The following CACNA1D variants were observed in gnomAD, a reference collection of about 807,000 sequenced individuals.
CACNA1D encodes the protein voltage-dependent L-type calcium channel subunit alpha-1D.
CACNA1D carries 55 observed loss-of-function variants against 257.1 expected under a neutral mutation model. That is an observed-to-expected ratio of 0.21 (90% confidence interval 0.17 to 0.27). CACNA1D has a LOEUF of 0.27. Ranked by LOEUF, CACNA1D falls within the 10% of genes least tolerant of loss-of-function variation. CACNA1D has a pLI of 1.00. For synonymous variants in CACNA1D, 980 were observed against 1,014.9 expected (o/e 0.97, Z 0.65); for missense variants, 1,876 against 2,784.0 (o/e 0.67, Z 7.34).
rs925657254 is a variant in CACNA1D, at chr3:53,587,469, A to G, written c.484-63310A>G. ...GGGGGCCTGTTTTGGGCAGGAGGGC[A>G]GGAGCATGGACTCATTTTGGGACAT... On this transcript the variant is annotated intron_variant, in intron 3 of 47. Coordinates refer to ENST00000350061, the MANE Select transcript of CACNA1D (RefSeq NM_001128840.3). Among the ~76,000 whole-genome samples the G allele has an allele frequency of 1.6e-4, 25 of 152,152 alleles. 1 individual carries two copies. Among genetic ancestry groups the G allele is most frequent in the Non-Finnish European group, 2.9e-5 (2 of 68,016 alleles).
At chr3:53,660,643 G>C (rs756872316) in intron 5 of CACNA1D, among the ~76,000 whole-genome samples, 1 of 152,020 alleles carries the variant, frequency 6.6e-6, no homozygotes, top group Non-Finnish European at 1.5e-5. Context: ...GAAAGTGGTG[G>C]GTTTGTGGAT....
At chr3:53,677,303 T>C (rs1047007736) in intron 8 of CACNA1D, among the ~76,000 whole-genome samples, 9 of 152,170 alleles carry the variant, frequency 5.9e-5, no homozygotes, top group African/African-American at 2.2e-4. Flanking sequence ...AGACTTGGGT[T>C]CCGTCCTGCT....
At chr3:53,660,692 T>C (rs1016035550) in intron 5 of CACNA1D, among the ~76,000 whole-genome samples, 5 of 151,656 alleles carry the variant, frequency 3.3e-5, no homozygotes, top group African/African-American at 1.2e-4. Context: ...CTTTTTTTTT[T>C]TCCCCAAATG....
At chr3:53,660,026 G>A (rs919261667) in intron 4 of CACNA1D, 107 bp from the exon 5 acceptor site, 1 of 963,888 alleles carries the variant, frequency 1.0e-6, no homozygotes, top group Non-Finnish European at 1.6e-6. Flanking sequence ...TATTTAAGCA[G>A]CAGCCACACA....
In CACNA1D at chr3:53,673,304, G is replaced by C. The variant is rs542225486; in HGVS notation, c.1220+178G>C. On this transcript the variant is annotated intron_variant, in intron 8 of 47. Transcript: ENST00000350061. This position sits in a 1 kb window ranked among gnomAD's most constrained non-coding sequence, Gnocchi z 4.1. The stretch of plus-strand genomic sequence containing the variant: ...AAGCTGTTTCCTGGAACCTCACCAG[G>C]CTTCATGAAGGAGAACTATAGAACG... 3.9e-5 allele frequency among the ~76,000 whole-genome samples: 6 copies of C among 152,284 alleles called. No homozygotes were observed. Among genetic ancestry groups the C allele is most frequent in the African/African-American group, 1.2e-4 (5 of 41,560 alleles).
chr3:53,688,930 C>T (rs1486347496), intron 8 of CACNA1D, among the ~76,000 whole-genome samples: 1 of 152,126 alleles, frequency 6.6e-6, no homozygotes, highest in Non-Finnish European at 1.5e-5. Flanking sequence ...TCCCCAGAGG[C>T]CCACCTGTCC....
chr3:53,761,810 A>G (rs895229415), intron 29 of CACNA1D, among the ~76,000 whole-genome samples, 188 bp from the exon 30 acceptor site: 1 of 152,192 alleles, frequency 6.6e-6, no homozygotes, highest in Non-Finnish European at 1.5e-5. Context: ...TCTCTCACAC[A>G]TAAAGGTGCA....
intron 3 of CACNA1D, among the ~76,000 whole-genome samples, chr3:53,581,471 T>C (rs555494806): frequency 1.4e-4 from 22 of 152,316 alleles, no homozygotes; most frequent in Non-Finnish European, 2.6e-4. Context: ...ATTACTTCAG[T>C]CACATAACCA....
At chr3:53,514,066 A>G (rs2091229647) in intron 3 of CACNA1D, among the ~76,000 whole-genome samples, 1 of 152,120 alleles carries the variant, frequency 6.6e-6, no homozygotes, top group Non-Finnish European at 1.5e-5. Flanking sequence ...CATGACTGTA[A>G]TCTCCTCTAA....
chr3:53,517,414 G>A (rs1435880622), intron 3 of CACNA1D, among the ~76,000 whole-genome samples: 1 of 151,980 alleles, frequency 6.6e-6, no homozygotes, highest in African/African-American at 2.4e-5. Context: ...GCCAGAGCTC[G>A]ACAGGACCCT....
intron 30 of CACNA1D, among the ~76,000 whole-genome samples, chr3:53,764,619 C>G (rs1013863189): frequency 2.0e-5 from 3 of 152,204 alleles, no homozygotes; most frequent in Non-Finnish European, 4.4e-5. Context: ...AGGGACAGCA[C>G]GCGCCCGGCT....
At chr3:53,729,689 C>T (rs2094970107) in intron 15 of CACNA1D, among the ~76,000 whole-genome samples, 1 of 152,196 alleles carries the variant, frequency 6.6e-6, no homozygotes, top group African/African-American at 2.4e-5. Flanking sequence ...TGTTCAGTCA[C>T]CTAACCTTTT....
chr3:53,526,643 A>G (rs1193321143), intron 3 of CACNA1D, among the ~76,000 whole-genome samples: 3 of 152,246 alleles, frequency 2.0e-5, no homozygotes, highest in African/African-American at 7.2e-5. Flanking sequence ...TACGTTACAC[A>G]GATAAACATT....
chr3:53,578,576 G>A (rs1478959821), intron 3 of CACNA1D, among the ~76,000 whole-genome samples: 4 of 152,148 alleles, frequency 2.6e-5, no homozygotes, highest in Non-Finnish European at 5.9e-5. Flanking sequence ...TGGTGAGGAT[G>A]AATCTGTGAA....
chr3:53,774,086 T>G lies in CACNA1D; in HGVS notation c.4111-501T>G, dbSNP rs1336917211. ...CTTTTATCTGTCTGCTCATCACACGTTATTTTCATTCCCTCGGTATCTATG... is the reference window on the plus strand; with the variant it reads ...CTTTTATCTGTCTGCTCATCACACGGTATTTTCATTCCCTCGGTATCTATG... On this transcript the variant is annotated intron_variant, in intron 33 of 47. Transcript: ENST00000350061. This position sits in a 1 kb window ranked among gnomAD's most constrained non-coding sequence, Gnocchi z 4.3. 3.5e-5 allele frequency: 6 copies of G among 169,490 alleles called. No individual in the cohort carries two copies. The highest frequency in any genetic ancestry group is 1.4e-4 in the African/African-American group (6 of 41,824). The allele number at this position is 169,490 out of a possible 1,614,324, so 10.5% of individuals were successfully genotyped here. A position where few individuals can be genotyped will look rare whatever the true frequency, so the allele number is the denominator to read the frequency against.
At chr3:53,735,772 C>A (rs963368045) in intron 20 of CACNA1D, among the ~76,000 whole-genome samples, 2 of 152,262 alleles carry the variant, frequency 1.3e-5, no homozygotes, top group Non-Finnish European at 2.9e-5. Flanking sequence ...TTCTCCGCCT[C>A]TTTGCTCCCT....
Position 53,572,432 on chromosome 3 carries a change from T to C in CACNA1D, c.483+70712T>C, listed in dbSNP as rs1013561652. Among the ~76,000 whole-genome samples, 8 of 151,946 alleles carry C rather than the reference T, an allele frequency of 5.3e-5. 1 individual carries two copies. Among genetic ancestry groups the C allele is most frequent in the Admixed American group, 2.0e-4 (3 of 15,258 alleles). On this transcript the variant is annotated intron_variant, in intron 3 of 47. Coordinates refer to ENST00000350061, the MANE Select transcript of CACNA1D (RefSeq NM_001128840.3). ...TTTATGTTTTAGAGATTGGGTCTCA[T>C]TCTGTCACCCAGGCTGGAATGCAGT...
At chr3:53,517,103 T>C (rs2091366060) in intron 3 of CACNA1D, among the ~76,000 whole-genome samples, 1 of 152,346 alleles carries the variant, frequency 6.6e-6, no homozygotes, top group Admixed American at 6.5e-5. Flanking sequence ...CGTTTTATAA[T>C]CTACGAAGCT....
At chr3:53,753,346 ATATGTTTTCCCCCTT>A (rs2095241613) in intron 28 of CACNA1D, among the ~76,000 whole-genome samples, 1 of 152,172 alleles carries the variant, frequency 6.6e-6, no homozygotes, top group African/African-American at 2.4e-5. Flanking sequence ...GAGGAAATGG[ATATGTTTTCCCCCTT>A]CATCATTCAA....
Sources: allele counts gnomAD v4.1 joint callset (sites outside exome capture counted in the v4.1 genomes callset), GRCh38; gene constraint gnomAD v4.1.1; non-coding constraint Gnocchi (gnomAD v3.1); transcripts MANE v1.5; gene names NCBI Gene and HGNC (gene_info 2026-07-23, HGNC 2026-07-21).